The following EMID1 variants were observed in gnomAD, a reference collection of about 807,000 sequenced individuals.
EMID1 encodes EMI domain-containing protein 1.
EMID1 carries 40 observed loss-of-function variants against 60.6 expected under a neutral mutation model. That is an observed-to-expected ratio of 0.66 (90% confidence interval 0.51 to 0.86). The LOEUF (loss-of-function observed/expected upper bound fraction) is 0.86, where lower values mean the gene tolerates loss of function less well. EMID1 is among the 40% of genes least tolerant of loss of function. EMID1 has a pLI of 0.00. For missense variants in EMID1, 585 were observed against 597.1 expected, an observed-to-expected ratio of 0.98 and a Z score of 0.21; for synonymous variants, 242 against 231.0, an observed-to-expected ratio of 1.05 and a Z score of -0.43.
intron 13 of EMID1, among the ~76,000 whole-genome samples, chr22:29,251,983 A>G (rs924420644): frequency 9.2e-5 from 14 of 152,124 alleles, no homozygotes; most frequent in African/African-American, 3.1e-4. Context: ...TAATTTTTAA[A>G]TTTTTTGTAG....
Position 29,256,201 on chromosome 22 carries a change from G to A in EMID1, c.1204+1914G>A, listed in dbSNP as rs1292688747. Among the ~76,000 whole-genome samples, 3 of 152,242 alleles carry A rather than the reference G, an allele frequency of 2.0e-5. No homozygotes were observed. The East Asian group carries it at 5.8e-4, about 30-fold the overall frequency. On this transcript the variant is annotated intron_variant, in intron 14 of 14. Transcript: ENST00000334018. ...TTTTAAAGACTGAGAGGCCGGTCAT[G>A]TTAGCTCACACCTGTAATCCTAGCA... is the stretch of plus-strand genomic sequence containing the variant.
intron 1 of EMID1, among the ~76,000 whole-genome samples, chr22:29,210,336 C>G (rs532597435): frequency 9.3e-5 from 14 of 150,248 alleles, no homozygotes; most frequent in Non-Finnish European, 1.8e-4. Flanking sequence ...TCACCGCAAT[C>G]TCTGCCTCCT....
At chr22:29,220,794 T>C (rs989559716) in intron 3 of EMID1, among the ~76,000 whole-genome samples, 2 of 151,938 alleles carry the variant, frequency 1.3e-5, no homozygotes, top group African/African-American at 2.4e-5. Context: ...TGTCATGAGG[T>C]GTCATGAGGG....
chr22:29,206,236 G>A (rs2039645106), intron 1 of EMID1, 97 bp downstream of exon 1: 3 of 975,158 alleles, frequency 3.1e-6, no homozygotes, highest in Non-Finnish European at 2.6e-6. Flanking sequence ...GGGCGATCCA[G>A]TCCCCAGCCC....
At chr22:29,231,720 C>A in intron 7 of EMID1, 38 bp downstream of exon 7, 1 of 1,431,302 alleles carries the variant, frequency 7.0e-7, no homozygotes, top group South Asian at 1.5e-5. Flanking sequence ...CTCCTCTGGC[C>A]ATCCCCTCCA....
intron 1 of EMID1, among the ~76,000 whole-genome samples, chr22:29,211,199 T>C (rs556922970): frequency 6.6e-6 from 1 of 152,292 alleles, no homozygotes; most frequent in South Asian, 2.1e-4. Context: ...GGTCTGTCTA[T>C]GTCCATGTGA....
chr22:29,224,002 C>T (rs956787537), intron 3 of EMID1, among the ~76,000 whole-genome samples: 11 of 152,244 alleles, frequency 7.2e-5, no homozygotes, highest in African/African-American at 2.2e-4. Context: ...CCAGTGCCGG[C>T]CCCAGTCCTG....
chr22:29,219,702 A>G (rs190839625), intron 3 of EMID1, among the ~76,000 whole-genome samples: 1 of 152,152 alleles, frequency 6.6e-6, no homozygotes, highest in Non-Finnish European at 1.5e-5. Flanking sequence ...GGGTTGCTTG[A>G]GCCCAGGAGT....
At chr22:29,241,999 C>T (rs747937096) in intron 12 of EMID1, among the ~76,000 whole-genome samples, 18 of 152,198 alleles carry the variant, frequency 1.2e-4, no homozygotes, top group Non-Finnish European at 2.1e-4. Flanking sequence ...CAGTCTTGAG[C>T]TCCTAGGCTC....
At chr22:29,221,596 G>T (rs1377891301) in intron 3 of EMID1, among the ~76,000 whole-genome samples, 1 of 152,056 alleles carries the variant, frequency 6.6e-6, no homozygotes, top group African/African-American at 2.4e-5. Context: ...GGATGGTCTC[G>T]ATCTCCTGAC....
chr22:29,222,278 G>T (rs1262980920), intron 3 of EMID1, among the ~76,000 whole-genome samples: 1 of 152,050 alleles, frequency 6.6e-6, no homozygotes, highest in Admixed American at 6.6e-5. Flanking sequence ...ATTTTTTGTA[G>T]AGACAGAGTT....
intron 8 of EMID1, chr22:29,233,170 TG>T: frequency 1.6e-6 from 1 of 609,104 alleles, no homozygotes; most frequent in Non-Finnish European, 2.9e-6. Context: ...TGGATTGCAG[TG>T]GGGTTAGAAC....
intron 1 of EMID1, among the ~76,000 whole-genome samples, chr22:29,206,384 G>C (rs923645061): frequency 2.6e-5 from 4 of 152,234 alleles, no homozygotes; most frequent in African/African-American, 9.6e-5. Context: ...GGAGGGGGAA[G>C]GGGCGCAACG....
intron 1 of EMID1, 119 bp from the exon 2 acceptor site, chr22:29,214,807 C>T (rs1043547568): frequency 3.2e-5 from 21 of 662,574 alleles, no homozygotes; most frequent in African/African-American, 1.8e-4. Context: ...CAGGGCTTCT[C>T]GCTGCCTGGG....
Position 29,238,708 on chromosome 22 carries a change from C to T in EMID1, c.1074+4359C>T, listed in dbSNP as rs1411395998. Among the ~76,000 whole-genome samples the T allele has an allele frequency of 4.5e-5, 6 of 132,678 alleles. 1 individual carries two copies. The highest frequency in any genetic ancestry group is 6.3e-5 in the African/African-American group (2 of 31,508). The allele number at this position is 132,678 out of a possible 152,430, so 87.0% of individuals were successfully genotyped here. The stretch of plus-strand genomic sequence containing the variant: ...TGGTGGGATTACAGGCGTGAGCCAC[C>T]GTGCCCGGCCATTTTTTTTTTTTTT... On this transcript the variant is annotated intron_variant, in intron 12 of 14. Coordinates refer to ENST00000334018, the MANE Select transcript of EMID1 (RefSeq NM_133455.4).
rs552480892 is a variant in EMID1 at position 29,211,467 on chromosome 22, C to T, written c.102-3459C>T. Among the ~76,000 whole-genome samples, 112 of 152,108 alleles carry T rather than the reference C, an allele frequency of 7.4e-4. 3 individuals carry two copies. The South Asian group carries it at 0.022, about 30-fold the overall frequency. ...GTGTGTGCACGTGCTCACTGCAGTG[C>T]GTATTTGCCCTGTGTGCCTGTGTGT... On this transcript the variant is annotated intron_variant, in intron 1 of 14. Transcript: ENST00000334018.
Position 29,232,409 on chromosome 22 carries a change from C to A in EMID1, c.823+7C>A, listed in dbSNP as rs1357923921. ...GCCCGGATCTCCCAGCATGGTGAGTCCCCCTGGGATCCCAGCAGGTGGAGG... is the reference window on the plus strand; with the variant it reads ...GCCCGGATCTCCCAGCATGGTGAGTACCCCTGGGATCCCAGCAGGTGGAGG... On this transcript the variant is annotated splice_region_variant and intron_variant, in intron 8 of 14. Coordinates refer to ENST00000334018, the MANE Select transcript of EMID1 (RefSeq NM_133455.4). 3.8e-6 allele frequency: 6 copies of A among 1,560,558 alleles called. No homozygotes were observed. Among genetic ancestry groups the A allele is most frequent in the Non-Finnish European group, 5.2e-6 (6 of 1,156,038 alleles).
At position 29,222,242 on chromosome 22, in the gene EMID1, C is replaced by T. The variant is rs1040904732; in HGVS notation, c.320-2891C>T. Among the ~76,000 whole-genome samples the T allele has an allele frequency of 3.3e-5, 5 of 151,952 alleles. No individual in the cohort carries two copies. The East Asian group carries it at 7.7e-4, about 24-fold the overall frequency. On this transcript the variant is annotated intron_variant, in intron 3 of 14. Transcript: ENST00000334018. ...CCAAGTAGCTGGGACTACAGGCATG[C>T]GCCACCATACCCAGCTAATTTTTAA...
At chr22:29,233,214 C>A in intron 8 of EMID1, 165 bp from the exon 9 acceptor site, 1 of 704,526 alleles carries the variant, frequency 1.4e-6, no homozygotes, top group Non-Finnish European at 2.5e-6. Flanking sequence ...CTTGCGGGAC[C>A]AACACTCTCC....
Sources: allele counts gnomAD v4.1 joint callset (sites outside exome capture counted in the v4.1 genomes callset), GRCh38; gene constraint gnomAD v4.1.1; transcripts MANE v1.5; gene names NCBI Gene and HGNC (gene_info 2026-07-23, HGNC 2026-07-21).